CDK14: variants seen among roughly 807,000 people sequenced by gnomAD.
CDK14 encodes the protein cyclin dependent kinase 14.
Under a neutral mutation model 60.7 loss-of-function variants are expected in CDK14, and 34 were observed. The ratio of observed to expected loss-of-function variants is 0.56; its 90% confidence interval spans 0.43 to 0.75. The LOEUF (loss-of-function observed/expected upper bound fraction) is 0.75, where lower values mean the gene tolerates loss of function less well. Among genes scored for constraint, CDK14 ranks in the 30% least tolerant of loss-of-function variants. CDK14 has a pLI of 0.00. For synonymous variants in CDK14, 197 were observed against 203.7 expected, an observed-to-expected ratio of 0.97 and a Z score of 0.28; for missense variants, 482 against 564.1, an observed-to-expected ratio of 0.85 and a Z score of 1.47.
At chr7:90,960,063 A>G (rs1794555272) in intron 9 of CDK14, among the ~76,000 whole-genome samples, 1 of 152,162 alleles carries the variant, frequency 6.6e-6, no homozygotes, top group African/African-American at 2.4e-5. Flanking sequence ...AGATGTAGCA[A>G]GCAGCTTATC....
Position 91,117,644 on chromosome 7 carries a change from T to C in CDK14, c.1295-421T>C, listed in dbSNP as rs116515241. ...TATATCTGTTTGGTTGCTTATTGCC[T>C]GTCTCCCCCAAATGGACTCTATAAC... On this transcript the variant is annotated intron_variant, in intron 13 of 14. Coordinates refer to ENST00000380050, the MANE Select transcript of CDK14 (RefSeq NM_001287135.2). Among the ~76,000 whole-genome samples the C allele has an allele frequency of 7.2e-3, 1,096 of 152,326 alleles. 16 individuals carry two copies. Among genetic ancestry groups the C allele is most frequent in the African/African-American group, 0.024 (1,014 of 41,574 alleles).
intron 14 of CDK14, among the ~76,000 whole-genome samples, chr7:91,185,089 A>G (rs987877419): frequency 3.3e-5 from 5 of 149,532 alleles, no homozygotes; most frequent in Middle Eastern, 3.4e-3. Flanking sequence ...CATGTATTCA[A>G]TTACTGTTTA....
At chr7:90,678,382 T>C (rs537560005) in intron 2 of CDK14, among the ~76,000 whole-genome samples, 5 of 152,276 alleles carry the variant, frequency 3.3e-5, no homozygotes, top group Admixed American at 3.3e-4. Flanking sequence ...AGAATAAACC[T>C]GACCCAAAGC....
intron 10 of CDK14, among the ~76,000 whole-genome samples, chr7:90,994,999 G>A (rs1389721099): frequency 6.6e-6 from 1 of 152,112 alleles, no homozygotes; most frequent in Non-Finnish European, 1.5e-5. Flanking sequence ...GTTATCTCTT[G>A]AGGTGAGCAG....
chr7:90,893,943 T>G (rs1450342364), intron 6 of CDK14, among the ~76,000 whole-genome samples: 1 of 152,184 alleles, frequency 6.6e-6, no homozygotes, highest in Non-Finnish European at 1.5e-5. Context: ...AATGGGAATG[T>G]CTGGGCATGC....
chr7:91,145,146 G>A (rs550533493), intron 14 of CDK14, among the ~76,000 whole-genome samples: 4 of 152,304 alleles, frequency 2.6e-5, no homozygotes, highest in South Asian at 2.1e-4. Context: ...AACTGGATAC[G>A]ACAGAGGGAG....
chr7:90,817,721 G>T (rs1217702704), intron 5 of CDK14, among the ~76,000 whole-genome samples: 2 of 152,126 alleles, frequency 1.3e-5, no homozygotes, highest in Non-Finnish European at 2.9e-5. Context: ...TTAGTAAGTG[G>T]TTGTCTCTGT....
At chr7:90,978,719 G>T (rs1422267522) in intron 9 of CDK14, among the ~76,000 whole-genome samples, 1 of 151,738 alleles carries the variant, frequency 6.6e-6, no homozygotes, top group African/African-American at 2.4e-5. Flanking sequence ...TTATTTCTCA[G>T]TTCAAAATAC....
At chr7:90,870,415 G>A (rs554922451) in intron 6 of CDK14, among the ~76,000 whole-genome samples, 8 of 152,258 alleles carry the variant, frequency 5.3e-5, no homozygotes, top group African/African-American at 1.9e-4. Context: ...CCTAGGTGAT[G>A]AAATAATTTG....
chr7:90,938,106 A>G (rs1793811180), intron 8 of CDK14, among the ~76,000 whole-genome samples: 1 of 152,240 alleles, frequency 6.6e-6, no homozygotes, highest in Non-Finnish European at 1.5e-5. Flanking sequence ...TAGATCCTAA[A>G]TCATACCACT....
At chr7:90,968,723 T>C (rs1397529917) in intron 9 of CDK14, among the ~76,000 whole-genome samples, 2 of 152,132 alleles carry the variant, frequency 1.3e-5, no homozygotes, top group Admixed American at 1.3e-4. Flanking sequence ...AATAAATAAA[T>C]TTCCATCTAT....
chr7:90,883,079 A>G lies in CDK14; in HGVS notation c.640-16212A>G, dbSNP rs555113684. 7.2e-5 allele frequency among the ~76,000 whole-genome samples: 11 copies of G among 152,202 alleles called. No individual in the cohort carries two copies. The East Asian group carries it at 2.1e-3, about 29-fold the overall frequency. On this transcript the variant is annotated intron_variant, in intron 6 of 14. Coordinates refer to ENST00000380050, the MANE Select transcript of CDK14 (RefSeq NM_001287135.2). ...AATCCAAAAGCTAGCAGAAGACAGG[A>G]AATAACTAAGATCAGAGAAGAATTG...
At chr7:91,127,029 T>C (rs1299613841) in intron 14 of CDK14, among the ~76,000 whole-genome samples, 1 of 151,962 alleles carries the variant, frequency 6.6e-6, no homozygotes, top group Admixed American at 6.6e-5. Context: ...AGGCAGGGGG[T>C]GCCACCTGGA....
At chr7:91,005,110 C>G (rs1795943640) in intron 10 of CDK14, among the ~76,000 whole-genome samples, 1 of 152,172 alleles carries the variant, frequency 6.6e-6, no homozygotes, top group Non-Finnish European at 1.5e-5. Flanking sequence ...GCGTGAGATT[C>G]CAGGTCAGCA....
intron 4 of CDK14, among the ~76,000 whole-genome samples, chr7:90,749,452 AG>A (rs1803730409): frequency 6.6e-6 from 1 of 151,916 alleles, no homozygotes; most frequent in South Asian, 2.1e-4. Flanking sequence ...AGGCAGTTAG[AG>A]CACCTGCTCA....
At chr7:90,625,641 G>A (rs1471567840) in intron 2 of CDK14, among the ~76,000 whole-genome samples, 1 of 151,974 alleles carries the variant, frequency 6.6e-6, no homozygotes, top group Non-Finnish European at 1.5e-5. Flanking sequence ...TTCATTATAG[G>A]CCTTTCTAAG....
chr7:91,000,625 T>G (rs944047935), intron 10 of CDK14, among the ~76,000 whole-genome samples: 3 of 152,348 alleles, frequency 2.0e-5, no homozygotes, highest in Admixed American at 1.3e-4. Flanking sequence ...CTTTGAGAAC[T>G]TTTTTTGCTT....
chr7:90,790,907 CTG>C (rs1178200395), intron 5 of CDK14, among the ~76,000 whole-genome samples: 1 of 152,108 alleles, frequency 6.6e-6, no homozygotes, highest in Non-Finnish European at 1.5e-5. Context: ...ATCTAGGTAA[CTG>C]AGGAATTTTG....
intron 6 of CDK14, among the ~76,000 whole-genome samples, chr7:90,868,126 T>C (rs1363336005): frequency 6.6e-6 from 1 of 151,918 alleles, no homozygotes; most frequent in Admixed American, 6.6e-5. Context: ...CAAGAATTTG[T>C]CTCTAAAAAA....
Sources: allele counts gnomAD v4.1 joint callset (sites outside exome capture counted in the v4.1 genomes callset), GRCh38; gene constraint gnomAD v4.1.1; transcripts MANE v1.5; gene names NCBI Gene and HGNC (gene_info 2026-07-23, HGNC 2026-07-21).